GPHN: variants seen among roughly 807,000 people sequenced by gnomAD.
GPHN encodes gephyrin.
Under a neutral mutation model 95.5 loss-of-function variants are expected in GPHN, and 17 were observed. The observed-to-expected ratio is 0.18, with a 90% confidence interval of 0.12 to 0.27. GPHN has a LOEUF of 0.27. GPHN is among the 10% of genes least tolerant of loss of function. GPHN has a pLI of 1.00. For missense variants in GPHN, 660 were observed against 978.1 expected (o/e 0.67, Z 4.34); for synonymous variants, 320 against 322.5 (o/e 0.99, Z 0.08).
the GPHN span, among the ~76,000 whole-genome samples, chr14:67,607,739 A>G: frequency 2.0e-5 from 3 of 152,308 alleles, no homozygotes; most frequent in South Asian, 6.2e-4. Context: ...TTGGGAGGAT[A>G]TCTTTCCCTC....
At chr14:67,344,805 C>T in the GPHN span, among the ~76,000 whole-genome samples, 1 of 151,646 alleles carries the variant, frequency 6.6e-6, no homozygotes, top group South Asian at 2.1e-4. Context: ...TGCTTGAGCC[C>T]AGGAGATCCA....
At chr14:67,647,217 C>G in the GPHN span, 1 of 500,990 alleles carries the variant, frequency 2.0e-6, no homozygotes, top group Non-Finnish European at 3.5e-6. Context: ...GAGGTTTCCT[C>G]TAAATCATTG....
At chr14:67,656,260 AATT>A in the GPHN span, among the ~76,000 whole-genome samples, 7 of 151,880 alleles carry the variant, frequency 4.6e-5, no homozygotes, top group Non-Finnish European at 1.0e-4. Context: ...AAAAAAAAAA[AATT>A]AATAAATAAA....
the GPHN span, among the ~76,000 whole-genome samples, chr14:67,358,595 G>A: frequency 6.6e-6 from 1 of 152,264 alleles, no homozygotes; most frequent in East Asian, 1.9e-4. Flanking sequence ...AGCCGCCAGG[G>A]AGGCTGAGGC....
At chr14:67,312,763 C>T in the GPHN span, 1 of 1,297,452 alleles carries the variant, frequency 7.7e-7, no homozygotes, top group Non-Finnish European at 1.0e-6. Context: ...ATTGAAAATG[C>T]AAGCCTTCAC....
chr14:67,376,175 G>A, the GPHN span, among the ~76,000 whole-genome samples: 1 of 152,080 alleles, frequency 6.6e-6, no homozygotes, highest in Non-Finnish European at 1.5e-5. Context: ...TCTGTAGTAA[G>A]GAGAGATGCT....
the GPHN span, chr14:67,334,408 G>A: frequency 1.3e-5 from 2 of 152,614 alleles, no homozygotes; most frequent in Non-Finnish European, 2.9e-5. Context: ...TTTTTATGGT[G>A]ACTTTAGCTA....
the GPHN span, among the ~76,000 whole-genome samples, chr14:67,429,281 C>T: frequency 6.7e-6 from 1 of 148,936 alleles, no homozygotes. Context: ...CCCAGGCTGG[C>T]GTGCAGTGGC....
At chr14:67,484,825 C>T in the GPHN span, among the ~76,000 whole-genome samples, 1 of 152,170 alleles carries the variant, frequency 6.6e-6, no homozygotes, top group Non-Finnish European at 1.5e-5. Flanking sequence ...TTCTCCTTTG[C>T]AATATTTTCC....
chr14:67,631,453 T>TTTTTA, the GPHN span, among the ~76,000 whole-genome samples: 1 of 148,828 alleles, frequency 6.7e-6, no homozygotes, highest in East Asian at 1.9e-4. Context: ...TTTTTTTTTT[T>TTTTTA]GAGACAGGGT....
At chr14:66,835,936 TAA>T (rs1317376390) in intron 4 of GPHN, among the ~76,000 whole-genome samples, 20 of 144,988 alleles carry the variant, frequency 1.4e-4, no homozygotes, top group Admixed American at 1.3e-3. Flanking sequence ...CTCAAGGAAA[TAA>T]AAGAGGATAC....
At chr14:67,382,261 A>G in the GPHN span, 12 of 461,232 alleles carry the variant, frequency 2.6e-5, no homozygotes, top group African/African-American at 2.2e-4. Context: ...TGCTTTTGCT[A>G]CATTAACAAA....
At chr14:67,056,003 G>A (rs1243409759) in intron 10 of GPHN, among the ~76,000 whole-genome samples, 2 of 152,232 alleles carry the variant, frequency 1.3e-5, no homozygotes, top group Non-Finnish European at 2.9e-5. Context: ...TTCACCGTGA[G>A]TGTTACAGCT....
chr14:67,729,929 C>T, the GPHN span: 13 of 413,952 alleles, frequency 3.1e-5, no homozygotes, highest in Admixed American at 3.3e-4. Context: ...CTTTCCCATT[C>T]CATGACAGAA....
At chr14:67,599,317 T>A in the GPHN span, among the ~76,000 whole-genome samples, 3 of 152,216 alleles carry the variant, frequency 2.0e-5, no homozygotes, top group Admixed American at 1.3e-4. Context: ...CATTTAACCC[T>A]CACAATATCA....
the GPHN span, among the ~76,000 whole-genome samples, chr14:67,254,017 T>G: frequency 7.1e-6 from 1 of 141,478 alleles, no homozygotes; most frequent in African/African-American, 2.8e-5. Flanking sequence ...TTTTGGGCCT[T>G]ATATTCATCC....
At chr14:67,049,173 C>A (rs1008557097) in intron 10 of GPHN, among the ~76,000 whole-genome samples, 2 of 152,100 alleles carry the variant, frequency 1.3e-5, no homozygotes, top group African/African-American at 4.8e-5. Context: ...ACAAGAGAAA[C>A]AATCAACATT....
At chr14:67,328,521 CT>C in the GPHN span, among the ~76,000 whole-genome samples, 1 of 152,142 alleles carries the variant, frequency 6.6e-6, no homozygotes, top group African/African-American at 2.4e-5. Flanking sequence ...GTTGCCATTG[CT>C]TTTGGTGTTT....
intron 1 of GPHN, among the ~76,000 whole-genome samples, chr14:66,605,643 C>T (rs1363044278): frequency 1.3e-5 from 2 of 150,458 alleles, no homozygotes; most frequent in Admixed American, 1.3e-4. Flanking sequence ...CATTTTCCTG[C>T]CTCAGCCTCC....
Sources: gnomAD v4.1 joint callset for allele counts (sites outside exome capture counted in the v4.1 genomes callset) on GRCh38, gnomAD v4.1.1 for gene constraint, MANE v1.5 for transcripts, NCBI Gene and HGNC (gene_info 2026-07-23, HGNC 2026-07-21) for gene names.